MARK2: variants seen among roughly 807,000 people sequenced by gnomAD.
The protein encoded by MARK2 is serine/threonine-protein kinase MARK2.
MARK2 carries 16 observed loss-of-function variants against 89.8 expected under a neutral mutation model. That is an observed-to-expected ratio of 0.18 (90% CI 0.12 to 0.27). The LOEUF (loss-of-function observed/expected upper bound fraction) is 0.27. Among genes scored for constraint, MARK2 ranks in the 10% least tolerant of loss-of-function variants. The probability of loss-of-function intolerance (pLI) is 1.00; values close to 1 mark genes in which losing one functional copy is unlikely to be tolerated. For synonymous variants in MARK2, 382 were observed against 399.5 expected, an observed-to-expected ratio of 0.96 and a Z score of 0.52; for missense variants, 621 against 1,049.9, an observed-to-expected ratio of 0.59 and a Z score of 5.65.
rs981527482 is a variant in MARK2, at chr11:63,854,814, A to C, written c.54+15254A>C. Among the ~76,000 whole-genome samples the C allele has an allele frequency of 8.1e-4, 23 of 28,250 alleles. No individual in the cohort carries two copies. The East Asian group carries it at 0.12, about 154-fold the overall frequency. The allele number at this position is 28,250 out of a possible 152,430, so 18.5% of individuals were successfully genotyped here. A position where few individuals can be genotyped will look rare whatever the true frequency, so the allele number is the denominator to read the frequency against. ...CCAACAACAGCGAGACACCATCCCAAAAAAAAAAAAAAAAAAAGGGTATTC... is the reference window on the plus strand; with the variant it reads ...CCAACAACAGCGAGACACCATCCCACAAAAAAAAAAAAAAAAAGGGTATTC... On this transcript the variant is annotated intron_variant, in intron 1 of 18. Transcript: ENST00000402010.
At chr11:63,882,583 T>A (rs1179709439) in intron 1 of MARK2, 1 of 151,450 alleles carries the variant, frequency 6.6e-6, no homozygotes, top group Non-Finnish European at 1.5e-5. Context: ...AAACTCTGTC[T>A]CAAAAAAAAA....
At chr11:63,881,818 T>C (rs1222917525) in intron 1 of MARK2, among the ~76,000 whole-genome samples, 1 of 152,120 alleles carries the variant, frequency 6.6e-6, no homozygotes, top group Non-Finnish European at 1.5e-5. Flanking sequence ...TAGCCAGGCA[T>C]AGTGGCACAC....
At chr11:63,843,190 ACT>A (rs1275228234) in intron 1 of MARK2, among the ~76,000 whole-genome samples, 3 of 152,014 alleles carry the variant, frequency 2.0e-5, no homozygotes, top group Non-Finnish European at 2.9e-5. Flanking sequence ...TTTCCAAATG[ACT>A]CTGCTGGCCT....
rs1258134091 is a variant in MARK2 at position 63,856,317 on chromosome 11, TTTTG to T, written c.54+16761_54+16764del. Among the ~76,000 whole-genome samples the T allele has an allele frequency of 4.6e-4, 27 of 58,608 alleles. No homozygotes were observed. In the East Asian group the frequency reaches 8.0e-3, roughly 17 times the overall value. The allele number at this position is 58,608 out of a possible 152,430, so 38.4% of individuals were successfully genotyped here. On this transcript the variant is annotated intron_variant, in intron 1 of 18. Transcript: ENST00000402010. ...ACCACTGGCCCTGTGGGTTTTTTTTTTTTGTTTTTTTTTTTTTTTTAAATATATG... is the reference window on the plus strand; with the variant it reads ...ACCACTGGCCCTGTGGGTTTTTTTTTTTTTTTTTTTTTTTTTAAATATATG...
rs1296862856 is a variant in MARK2 at position 63,899,981 on chromosome 11, C to T, written c.639C>T (p.Pro213=). The change falls in exon 8 of 19, where the codon CCC becomes CCT. Residue 213 remains proline (P), a synonymous_variant. Coordinates refer to ENST00000402010, the MANE Select transcript of MARK2 (RefSeq NM_001039469.3). ...AGCTGGACACCTTCTGTGGCAGTCC[C>T]CCTTATGCTGCCCCAGAACTCTTCC... ...GNKLDTFCGS[P]PYAAPELFQG... is the part of the protein sequence containing the mutation. The T allele has an allele frequency of 1.2e-6, 2 of 1,613,846 alleles. No individual in the cohort carries two copies. The highest frequency in any genetic ancestry group is 1.3e-5 in the African/African-American group (1 of 74,900).
At chr11:63,854,217 T>TGTGTGA (rs1474907687) in intron 1 of MARK2, among the ~76,000 whole-genome samples, 1 of 121,122 alleles carries the variant, frequency 8.3e-6, no homozygotes, top group Non-Finnish European at 1.8e-5. Context: ...TGTGTGTGTG[T>TGTGTGA]GTGACAAGGT....
At position 63,895,407 on chromosome 11, in the gene MARK2, G is replaced by C. The variant is rs1238305928; in HGVS notation, c.234+69G>C. The C allele has an allele frequency of 2.0e-6, 3 of 1,527,700 alleles. No individual in the cohort carries two copies. The East Asian group carries it at 6.8e-5, about 34-fold the overall frequency. The allele number at this position is 1,527,700 out of a possible 1,614,324, so 94.6% of individuals were successfully genotyped here. On this transcript the variant is annotated intron_variant, in intron 2 of 18. Coordinates refer to ENST00000402010, the MANE Select transcript of MARK2 (RefSeq NM_001039469.3). ...TTGACACTCCAGCAGGTGGTGATGG[G>C]ACTACTACTGCAGCCAACCTCTTGT...
chr11:63,904,525 T>A lies in MARK2; in HGVS notation c.1677-261T>A, dbSNP rs1941168133. 6.6e-6 allele frequency among the ~76,000 whole-genome samples: 1 copy of A among 152,070 alleles called. No individual in the cohort carries two copies. Among genetic ancestry groups the A allele is most frequent in the Non-Finnish European group, 1.5e-5 (1 of 67,988 alleles). On this transcript the variant is annotated intron_variant, in intron 15 of 18. Coordinates refer to ENST00000402010, the MANE Select transcript of MARK2 (RefSeq NM_001039469.3). The surrounding 1 kb of genome is among the most constrained non-coding windows in gnomAD (Gnocchi z 6.3). The stretch of plus-strand genomic sequence containing the variant: ...TCTGCCCGGCTCCCAGGGAGCCCGC[T>A]GTCTCCAGCCTAAACCACACTCCAC...
chr11:63,863,126 C>T (rs1937903779), intron 1 of MARK2, among the ~76,000 whole-genome samples: 1 of 152,170 alleles, frequency 6.6e-6, no homozygotes, highest in African/African-American at 2.4e-5. Context: ...TGCTGTGTGT[C>T]TCTTTATCCC....
At chr11:63,897,587 A>T (rs1485037378) in intron 3 of MARK2, among the ~76,000 whole-genome samples, 1 of 152,212 alleles carries the variant, frequency 6.6e-6, no homozygotes, top group African/African-American at 2.4e-5. Context: ...CGCAGAGGGG[A>T]AGGAGTTCAT....
At chr11:63,891,734 G>C (rs1939874456) in intron 1 of MARK2, among the ~76,000 whole-genome samples, 1 of 152,226 alleles carries the variant, frequency 6.6e-6, no homozygotes, top group African/African-American at 2.4e-5. Flanking sequence ...TAGGAGTTGG[G>C]GCAGAAGGAA....
chr11:63,907,411 C>T (rs1171611465), intron 17 of MARK2, among the ~76,000 whole-genome samples: 1 of 152,220 alleles, frequency 6.6e-6, no homozygotes, highest in African/African-American at 2.4e-5. Flanking sequence ...GTTGTGTCTT[C>T]CTGTTTATTT....
In MARK2 at chr11:63,899,909, C is replaced by T. The variant is rs778756615; in HGVS notation, c.567C>T (p.Ile189=). Residue 189 remains isoleucine (I), a synonymous_variant, in exon 8 of 19, where the codon ATC becomes ATT. Coordinates refer to ENST00000402010, the MANE Select transcript of MARK2 (RefSeq NM_001039469.3). ...TGCTCTTGGATGCTGATATGAACATCAAGATTGCAGACTTTGGCTTCAGCA... is the reference window on the plus strand; with the variant it reads ...TGCTCTTGGATGCTGATATGAACATTAAGATTGCAGACTTTGGCTTCAGCA... The part of the protein sequence containing the change: ...ENLLLDADMN[I]KIADFGFSNE... 3.7e-6 allele frequency: 6 copies of T among 1,614,146 alleles called. No homozygotes were observed. In the Admixed American group the frequency reaches 8.3e-5, roughly 22 times the overall value.
chr11:63,859,497 T>G (rs1160513513), intron 1 of MARK2, among the ~76,000 whole-genome samples: 1 of 151,950 alleles, frequency 6.6e-6, no homozygotes, highest in Non-Finnish European at 1.5e-5. Context: ...ATTTTTGTAT[T>G]TTTAGTAGAG....
intron 3 of MARK2, among the ~76,000 whole-genome samples, chr11:63,897,540 A>G (rs1479774900): frequency 6.6e-6 from 1 of 152,232 alleles, no homozygotes; most frequent in East Asian, 1.9e-4. Flanking sequence ...ATGAGGCCTG[A>G]AATTACAAAA....
intron 1 of MARK2, among the ~76,000 whole-genome samples, chr11:63,891,054 G>A (rs1177508802): frequency 6.6e-6 from 1 of 151,756 alleles, no homozygotes; most frequent in Non-Finnish European, 1.5e-5. Flanking sequence ...TTTATTTTGG[G>A]GCTTTTTGTG....
chr11:63,891,437 G>A (rs1004324474), intron 1 of MARK2, among the ~76,000 whole-genome samples: 1 of 152,190 alleles, frequency 6.6e-6, no homozygotes, highest in Non-Finnish European at 1.5e-5. Flanking sequence ...GGGCCAGGCA[G>A]GGAATGCTGA....
chr11:63,856,768 G>GTTT (rs71039681), intron 1 of MARK2, among the ~76,000 whole-genome samples: 2 of 53,796 alleles, frequency 3.7e-5, no homozygotes, highest in African/African-American at 1.5e-4. Flanking sequence ...AATTTTTCAT[G>GTTT]TTTTTTTTTT....
chr11:63,904,430 C>T lies in MARK2; in HGVS notation c.1676+283C>T, dbSNP rs572363284. Among the ~76,000 whole-genome samples the T allele has an allele frequency of 6.6e-6, 1 of 152,272 alleles. No homozygotes were observed. The highest frequency in any genetic ancestry group is 2.1e-4 in the South Asian group (1 of 4,826). On this transcript the variant is annotated intron_variant, in intron 15 of 18. Coordinates refer to ENST00000402010, the MANE Select transcript of MARK2 (RefSeq NM_001039469.3). This position sits in a 1 kb window ranked among gnomAD's most constrained non-coding sequence, Gnocchi z 6.3. ...ACCTTCCAGGGTTTCCTTAGGGACC[C>T]CGGGGATAGTCGGCATCACAGGGAC...
Sources: allele counts gnomAD v4.1 joint callset (sites outside exome capture counted in the v4.1 genomes callset), GRCh38; gene constraint gnomAD v4.1.1; non-coding constraint Gnocchi (gnomAD v3.1); transcripts MANE v1.5; gene names NCBI Gene and HGNC (gene_info 2026-07-23, HGNC 2026-07-21).